LY75: variants seen among roughly 807,000 people sequenced by gnomAD.
The protein encoded by LY75 is lymphocyte antigen 75, also known as C-type lectin domain family 13 member B.
A neutral mutation model predicts 231.7 loss-of-function variants in LY75; 185 were observed. That is an observed-to-expected ratio of 0.80 (90% CI 0.71 to 0.90). The LOEUF is 0.90. Among genes scored for constraint, LY75 ranks in the 40% least tolerant of loss-of-function variants. The pLI is 0.00. For missense variants in LY75, 1,947 were observed against 2,050.2 expected, an observed-to-expected ratio of 0.95 and a Z score of 0.97; for synonymous variants, 668 against 689.0, an observed-to-expected ratio of 0.97 and a Z score of 0.48.
Position 159,807,075 on chromosome 2 carries a change from T to C in LY75, c.4888A>G (p.Ser1630Gly). ...AACATGCTACATCTTCCAACACCAC[T>C]CTTACTTTTATTTTCCCATTTGACA... ...TFVKWENKSKSGVGRCSMLIA... is the reference protein window; with the variant it reads ...TFVKWENKSKGGVGRCSMLIA... Residue 1630 changes from serine (S) to glycine (G), a missense_variant, in exon 34 of 35, where the codon AGT (serine) becomes GGT (glycine). Physicochemically the swap from Ser to Gly is moderately conservative, Grantham distance 56 (BLOSUM62 0). Transcript: ENST00000263636. 1.9e-6 allele frequency: 3 copies of C among 1,613,946 alleles called. No individual in the cohort carries two copies. The highest frequency in any genetic ancestry group is 2.5e-6 in the Non-Finnish European group (3 of 1,179,940).
chr2:159,839,645 C>T (rs1683941348), intron 25 of LY75, among the ~76,000 whole-genome samples: 1 of 151,988 alleles, frequency 6.6e-6, no homozygotes, highest in Admixed American at 6.6e-5. Flanking sequence ...CTCAAGTTAT[C>T]CTCTTGCCTC....
chr2:159,829,988 G>C (rs1367050016), intron 28 of LY75, among the ~76,000 whole-genome samples: 1 of 152,146 alleles, frequency 6.6e-6, no homozygotes, highest in Non-Finnish European at 1.5e-5. Context: ...TGTTTCTTCA[G>C]TCACTTTCAG....
In LY75 at chr2:159,840,826, T is replaced by C. The variant is rs577409538; in HGVS notation, c.3410A>G (p.Gln1137Arg). The change falls in exon 25 of 35, where the codon CAG becomes CGG. Residue 1137 changes from glutamine to arginine, a missense_variant. Coordinates refer to ENST00000263636, the MANE Select transcript of LY75 (RefSeq NM_002349.4). ...GTAAGGGTCCGTGATGCTCACCAGC[T>C]GCATGTTACTTTTCAGACACTCCCT... ...AKRECLKSNM[Q>R]LVSITDPYQQ... 3 of 1,614,148 alleles carry C rather than the reference T, an allele frequency of 1.9e-6. No individual in the cohort carries two copies. The South Asian group carries it at 3.3e-5, about 18-fold the overall frequency.
intron 3 of LY75, among the ~76,000 whole-genome samples, chr2:159,892,534 G>A (rs1287987903): frequency 6.6e-6 from 1 of 152,188 alleles, no homozygotes; most frequent in Non-Finnish European, 1.5e-5. Flanking sequence ...GCCTGAAACA[G>A]TATCTGACAC....
At chr2:159,833,967 CCT>C in intron 27 of LY75, 75 bp downstream of exon 27, 2 of 1,500,740 alleles carry the variant, frequency 1.3e-6, no homozygotes, top group South Asian at 2.6e-5. Flanking sequence ...GGCCATTAAA[CCT>C]CTTTTTCTTT....
intron 23 of LY75, among the ~76,000 whole-genome samples, chr2:159,845,964 C>CT (rs200888311): frequency 0.047 from 7,084 of 151,582 alleles, 506 homozygotes; most frequent in African/African-American, 0.15. Context: ...TGTTTTCTCT[C>CT]TCTTTTTTTT....
chr2:159,831,834 ACACTT>A (rs201409062), intron 27 of LY75, 48 bp from the exon 28 acceptor site: 1 of 1,491,436 alleles, frequency 6.7e-7, no homozygotes, highest in Non-Finnish European at 9.2e-7. Context: ...CTTATCTAGT[ACACTT>A]CTATTTGATA....
intron 11 of LY75, among the ~76,000 whole-genome samples, chr2:159,875,892 A>G (rs1265702109): frequency 6.6e-6 from 1 of 152,174 alleles, no homozygotes; most frequent in Admixed American, 6.5e-5. Flanking sequence ...TTTGAGGTAC[A>G]GTGAGAATGA....
chr2:159,864,727 T>A (rs1684807633), intron 14 of LY75, 112 bp downstream of exon 14: 1 of 1,042,588 alleles, frequency 9.6e-7, no homozygotes, highest in South Asian at 2.2e-5. Flanking sequence ...CTATTCAGGG[T>A]CTTTTGTGGT....
At chr2:159,886,608 A>G (rs894112759) in intron 4 of LY75, 78 bp from the exon 5 acceptor site, 71 of 1,400,328 alleles carry the variant, frequency 5.1e-5, no homozygotes, top group Middle Eastern at 2.3e-4. Flanking sequence ...TCTACTAATA[A>G]CAAACAAATC....
At chr2:159,881,860 CTTAAA>C (rs1219774499) in intron 7 of LY75, among the ~76,000 whole-genome samples, 1 of 152,156 alleles carries the variant, frequency 6.6e-6, no homozygotes, top group Non-Finnish European at 1.5e-5. Context: ...CATGCGGCCA[CTTAAA>C]TTAATTAAGA....
chr2:159,860,582 C>T (rs920023379), intron 15 of LY75, among the ~76,000 whole-genome samples: 1 of 152,170 alleles, frequency 6.6e-6, no homozygotes, highest in Non-Finnish European at 1.5e-5. Flanking sequence ...CCTTCCTCAG[C>T]CCCCTCATTT....
intron 1 of LY75, among the ~76,000 whole-genome samples, chr2:159,901,248 C>T (rs1567536): frequency 0.87 from 133,056 of 152,148 alleles, 59,701 homozygotes; most frequent in East Asian, 1. Flanking sequence ...GATTACTACT[C>T]ACACTTTCTC....
chr2:159,850,794 A>ATATATATATATATATATATATATATG lies in LY75; in HGVS notation c.2884-328_2884-327insCATATATATATATATATATATATATA, dbSNP rs1560081043. ...CTTTCATATATATATATATATATATATATATTATATCTTATATATAAGATA... is the reference window on the plus strand; with the variant it reads ...CTTTCATATATATATATATATATATATATATATATATATATATATATATATGTATATTATATCTTATATATAAGATA... On this transcript the variant is annotated intron_variant, in intron 21 of 34. Transcript: ENST00000263636. Among the ~76,000 whole-genome samples the ATATATATATATATATATATATATATG allele has an allele frequency of 9.9e-5, 13 of 131,508 alleles. 1 individual carries two copies. The highest frequency in any genetic ancestry group is 3.8e-4 in the African/African-American group (13 of 33,854). 86.3% of individuals were successfully genotyped at this position (131,508 alleles called of 152,430 possible).
chr2:159,877,009 C>CAAAAAAAAA (rs58831835), intron 11 of LY75, among the ~76,000 whole-genome samples: 64 of 90,492 alleles, frequency 7.1e-4, no homozygotes, highest in Non-Finnish European at 9.1e-4. Context: ...AACTCCATCT[C>CAAAAAAAAA]AAAAAAAAAA....
intron 25 of LY75, among the ~76,000 whole-genome samples, chr2:159,837,671 A>C (rs1453045432): frequency 7.1e-6 from 1 of 140,722 alleles, no homozygotes; most frequent in Non-Finnish European, 1.5e-5. Context: ...TTTCCAAGGG[A>C]ATAATCTCCT....
chr2:159,896,466 G>A lies in LY75; in HGVS notation c.466+2222C>T, dbSNP rs533550625. Among the ~76,000 whole-genome samples, 22 of 152,266 alleles carry A rather than the reference G, an allele frequency of 1.4e-4. No individual in the cohort carries two copies. The South Asian group carries it at 4.4e-3, about 30-fold the overall frequency. On this transcript the variant is annotated intron_variant, in intron 2 of 34. Coordinates refer to ENST00000263636, the MANE Select transcript of LY75 (RefSeq NM_002349.4). ...AGAAAGAAGCTATGTTTGGGGAATG[G>A]AATACTGGTTTTAAGCCCTAGCTTT...
chr2:159,875,120 GACA>G (rs1447798400), intron 12 of LY75, among the ~76,000 whole-genome samples: 1 of 150,738 alleles, frequency 6.6e-6, no homozygotes, highest in Non-Finnish European at 1.5e-5. Flanking sequence ...CTGTTAATTT[GACA>G]ACAAGAATTA....
Position 159,840,975 on chromosome 2 carries a change from A to AC in LY75, c.3281-21dup, listed in dbSNP as rs1560076013. The stretch of plus-strand genomic sequence containing the variant: ...TAACTTCTGCATGTAAAAGAAAACA[A>AC]CAACAACAACAAACCCTTCCCCACA... On this transcript the variant is annotated intron_variant, in intron 24 of 34. Transcript: ENST00000263636. 6.2e-7 allele frequency: 1 copy of AC among 1,610,114 alleles called. No individual in the cohort carries two copies. Among genetic ancestry groups the AC allele is most frequent in the Non-Finnish European group, 8.5e-7 (1 of 1,179,116 alleles).
Sources: allele counts gnomAD v4.1 joint callset (sites outside exome capture counted in the v4.1 genomes callset), GRCh38; gene constraint gnomAD v4.1.1; transcripts MANE v1.5; gene names NCBI Gene and HGNC (gene_info 2026-07-23, HGNC 2026-07-21).